APC: variants seen among roughly 807,000 people sequenced by gnomAD.
The protein encoded by APC is APC regulator of Wnt signaling pathway, also known as adenomatous polyposis coli protein.
A neutral mutation model predicts 247.0 loss-of-function variants in APC; 72 were observed. That is an observed-to-expected ratio of 0.29 (90% CI 0.24 to 0.35). The LOEUF (loss-of-function observed/expected upper bound fraction) is 0.35. Ranked by LOEUF, APC falls within the 10% of genes least tolerant of loss-of-function variation. The probability of loss-of-function intolerance (pLI) is 1.00; values close to 1 mark genes in which losing one functional copy is unlikely to be tolerated. For missense variants in APC, 3,400 were observed against 3,360.7 expected (o/e 1.01, Z -0.29); for synonymous variants, 1,254 against 1,162.5 (o/e 1.08, Z -1.60).
intron 1 of APC, among the ~76,000 whole-genome samples, chr5:112,720,153 C>T (rs921707840): frequency 1.1e-4 from 16 of 152,064 alleles, no homozygotes; most frequent in African/African-American, 3.9e-4. Flanking sequence ...TATATTTTTC[C>T]TGTATAGATA....
intron 8 of APC, among the ~76,000 whole-genome samples, chr5:112,814,830 C>T (rs1469166870): frequency 1.3e-5 from 2 of 152,228 alleles, no homozygotes; most frequent in Non-Finnish European, 2.9e-5. Flanking sequence ...CATTGGAACA[C>T]TCCACGCTCT....
intron 1 of APC, chr5:112,738,205 G>A (rs1752552957): frequency 3.4e-6 from 3 of 874,682 alleles, no homozygotes; most frequent in Non-Finnish European, 4.1e-6. Context: ...AAGCCAGAAG[G>A]GGTTTTTGTT....
chr5:112,828,982 A>G lies in APC; in HGVS notation c.1743+10A>G. 1 of 1,578,136 alleles carries G rather than the reference A, an allele frequency of 6.3e-7. No homozygotes were observed. The stretch of plus-strand genomic sequence containing the variant: ...TTTAGAAGTTAAAAAGGTACCTTTG[A>G]AAACATTTAGTACTATAATATGAAT... On this transcript the variant is annotated intron_variant, in intron 14 of 15. Transcript: ENST00000257430.
chr5:112,798,203 A>G (rs1309746760), intron 7 of APC, among the ~76,000 whole-genome samples: 2 of 152,254 alleles, frequency 1.3e-5, no homozygotes, highest in African/African-American at 4.8e-5. Flanking sequence ...GTGAATAAAT[A>G]AACAAAATTT....
intron 1 of APC, among the ~76,000 whole-genome samples, chr5:112,740,748 A>G (rs1185800637): frequency 1.3e-5 from 2 of 151,322 alleles, no homozygotes; most frequent in Non-Finnish European, 2.9e-5. Flanking sequence ...GTGGTCTCGA[A>G]CTCGTGAGCT....
chr5:112,766,453 A>G (rs771834686), intron 3 of APC, 43 bp downstream of exon 3: 2 of 1,381,132 alleles, frequency 1.4e-6, no homozygotes, highest in African/African-American at 2.8e-5. Flanking sequence ...TTTAAGCTCA[A>G]ATTGTCATCT....
At chr5:112,719,361 G>A (rs563117602) in intron 1 of APC, among the ~76,000 whole-genome samples, 1 of 151,804 alleles carries the variant, frequency 6.6e-6, no homozygotes, top group East Asian at 1.9e-4. Context: ...GGGATTACAG[G>A]TGTGCACCAC....
At chr5:112,780,750 A>G (rs1758227748) in intron 5 of APC, 40 bp from the exon 6 acceptor site, 1 of 1,427,210 alleles carries the variant, frequency 7.0e-7, no homozygotes, top group Admixed American at 1.7e-5. Flanking sequence ...ATTAACGTAA[A>G]TACAAGATAT....
In APC at chr5:112,844,174, C is replaced by A. The variant is rs747293736; in HGVS notation, c.*48C>A. The A allele has an allele frequency of 6.7e-7, 1 of 1,486,698 alleles. No individual in the cohort carries two copies. The highest frequency in any genetic ancestry group is 9.3e-7 in the Non-Finnish European group (1 of 1,080,082). 92.1% of individuals were successfully genotyped at this position (1,486,698 alleles called of 1,614,324 possible). ...GAAAATTCTATGTTAATTACAACTG[C>A]TATATAGACATTTTGTTTCAAATGA... is the stretch of plus-strand genomic sequence containing the variant. On this transcript the variant is annotated 3_prime_UTR_variant, in exon 16 of 16. Transcript: ENST00000257430.
rs377493489 is a variant in APC at position 112,780,822 on chromosome 5, A to G, written c.564A>G (p.Gln188=). The G allele has an allele frequency of 2.9e-5, 47 of 1,613,150 alleles. 1 individual carries two copies. In the African/African-American group the frequency reaches 5.1e-4, roughly 17 times the overall value. The change falls in exon 6 of 16, where the codon CAA becomes CAG. Residue 188 remains glutamine (Q), a synonymous_variant. Transcript: ENST00000257430. ...FSLQTDMTRR[Q]LEYEARQIRV... ...TACAAACAGATATGACCAGAAGGCAATTGGAATATGAAGCAAGGCAAATCA... is the reference window on the plus strand; with the variant it reads ...TACAAACAGATATGACCAGAAGGCAGTTGGAATATGAAGCAAGGCAAATCA...
At chr5:112,716,941 T>A (rs563744844) in intron 1 of APC, among the ~76,000 whole-genome samples, 3 of 152,354 alleles carry the variant, frequency 2.0e-5, no homozygotes, top group African/African-American at 7.2e-5. Flanking sequence ...CTTTATCCTA[T>A]TCTCAGATGA....
At chr5:112,781,879 G>C (rs1291187899) in intron 6 of APC, among the ~76,000 whole-genome samples, 2 of 151,922 alleles carry the variant, frequency 1.3e-5, no homozygotes, top group African/African-American at 2.4e-5. Context: ...TCAGCCACCT[G>C]AGTAGCTGGG....
intron 2 of APC, among the ~76,000 whole-genome samples, chr5:112,756,000 T>G (rs1465159698): frequency 6.6e-6 from 1 of 152,150 alleles, no homozygotes; most frequent in South Asian, 2.1e-4. Context: ...TGCTTTGTGT[T>G]GTTTCTCCCT....
At position 112,841,150 on chromosome 5, in the gene APC, T is replaced by C. The variant is rs1765978234; in HGVS notation, c.5556T>C (p.Thr1852=). The change falls in exon 16 of 16, where the codon ACT becomes ACC. Residue 1852 remains threonine (T), a synonymous_variant. Coordinates refer to ENST00000257430, the MANE Select transcript of APC (RefSeq NM_000038.6). The surrounding 1 kb of genome is among the most constrained non-coding windows in gnomAD (Gnocchi z 4.6). ...SPHHYTPIEG[T]PYCFSRNDSL... ...ATCATTACACGCCTATTGAAGGAAC[T>C]CCTTACTGTTTTTCACGAAATGATT... 1 of 1,613,616 alleles carries C rather than the reference T, an allele frequency of 6.2e-7. No individual in the cohort carries two copies. Among genetic ancestry groups the C allele is most frequent in the Non-Finnish European group, 8.5e-7 (1 of 1,179,556 alleles).
intron 4 of APC, 86 bp from the exon 5 acceptor site, chr5:112,775,543 G>C (rs1424828651): frequency 1.3e-6 from 1 of 766,452 alleles, no homozygotes; most frequent in African/African-American, 1.8e-5. Context: ...AGAGAAGTTT[G>C]CAATAACAAC....
chr5:112,794,697 TC>T (rs1200914616), intron 7 of APC, among the ~76,000 whole-genome samples: 2 of 152,134 alleles, frequency 1.3e-5, no homozygotes, highest in Non-Finnish European at 2.9e-5. Flanking sequence ...AAGAGCCGAC[TC>T]CTTCACAAGA....
In APC at chr5:112,841,989, C is replaced by G. The variant is rs1580670427; in HGVS notation, c.6395C>G (p.Ser2132Ter). Residue 2132 changes from serine to a stop codon, truncating the protein, a stop_gained, in exon 16 of 16, where the codon TCA becomes TGA. Coordinates refer to ENST00000257430, the MANE Select transcript of APC (RefSeq NM_000038.6). LOFTEE classifies it high-confidence loss of function. The surrounding 1 kb of genome is among the most constrained non-coding windows in gnomAD (Gnocchi z 4.6). ...ACLSRQASSD[S>*]DSILSLKSGI... Reference sequence around the variant, plus strand: ...TTATCTAGACAAGCTTCGTCTGATTCAGATTCCATCCTTTCCCTGAAATCA... The same window carrying G: ...TTATCTAGACAAGCTTCGTCTGATTGAGATTCCATCCTTTCCCTGAAATCA... 1 of 1,612,950 alleles carries G rather than the reference C, an allele frequency of 6.2e-7. No individual in the cohort carries two copies. Among genetic ancestry groups the G allele is most frequent in the Non-Finnish European group, 8.5e-7 (1 of 1,179,006 alleles).
intron 8 of APC, among the ~76,000 whole-genome samples, chr5:112,804,563 A>G (rs189980979): frequency 1.4e-4 from 22 of 152,282 alleles, no homozygotes; most frequent in Non-Finnish European, 2.9e-5. Context: ...TATTTTTAGT[A>G]GATACAGGGT....
chr5:112,819,143 G>A lies in APC; in HGVS notation c.1111G>A (p.Gly371Arg), dbSNP rs863224535. The A allele has an allele frequency of 6.2e-7, 1 of 1,614,028 alleles. No individual in the cohort carries two copies. Among genetic ancestry groups the A allele is most frequent in the Non-Finnish European group, 8.5e-7 (1 of 1,179,988 alleles). Residue 371 changes from glycine to arginine, a missense_variant, in exon 10 of 16, where the codon GGA becomes AGA. Physicochemically the swap from Gly to Arg is moderately radical, Grantham distance 125. Transcript: ENST00000257430. ...HGNDKDSVLL[G>R]NSRGSKEARA... The stretch of plus-strand genomic sequence containing the variant: ...CAATGACAAAGACTCTGTATTGTTG[G>A]GAAATTCCCGGGGCAGTAAAGAGGC...
Sources: gnomAD v4.1 joint callset for allele counts (sites outside exome capture counted in the v4.1 genomes callset) on GRCh38, gnomAD v4.1.1 for gene constraint, Gnocchi (gnomAD v3.1) non-coding constraint, MANE v1.5 for transcripts, NCBI Gene and HGNC (gene_info 2026-07-23, HGNC 2026-07-21) for gene names.